Variants in TBC1D5 observed in about 807,000 individuals in gnomAD.
TBC1D5 encodes the protein TBC1 domain family, member 5.
In TBC1D5, 75 loss-of-function variants were observed where a neutral mutation model predicts 100.3. The observed-to-expected ratio is 0.75, with a 90% CI of 0.62 to 0.91. The LOEUF is 0.91. TBC1D5 is among the 40% of genes least tolerant of loss of function. TBC1D5 has a pLI of 0.00. For missense variants in TBC1D5, 910 were observed against 942.4 expected (o/e 0.97, Z 0.45); for synonymous variants, 323 against 325.6 (o/e 0.99, Z 0.09).
intron 21 of TBC1D5, 82 bp from the exon 23 acceptor site, chr3:17,161,338 A>T: frequency 1.4e-6 from 2 of 1,470,938 alleles, no homozygotes; most frequent in Non-Finnish European, 1.8e-6. Context: ...GAACTGGGGG[A>T]CTCGTGGTGG....
At chr3:17,441,096 T>C (rs1401143379) in intron 3 of TBC1D5, among the ~76,000 whole-genome samples, 2 of 152,214 alleles carry the variant, frequency 1.3e-5, no homozygotes, top group Admixed American at 1.3e-4. Flanking sequence ...TCAACATTGA[T>C]GATACCATTA....
chr3:17,556,534 G>A (rs189611067), intron 2 of TBC1D5, among the ~76,000 whole-genome samples: 84 of 151,980 alleles, frequency 5.5e-4, no homozygotes, highest in African/African-American at 2.0e-3. Context: ...AGCTAATATC[G>A]GAATAATCTC....
chr3:17,250,238 C>T (rs752836112), intron 16 of TBC1D5, among the ~76,000 whole-genome samples: 2 of 152,210 alleles, frequency 1.3e-5, no homozygotes, highest in Admixed American at 6.5e-5. Context: ...TCACTTTTCT[C>T]TCTCTGCACT....
At chr3:17,284,188 G>A (rs756382562) in intron 15 of TBC1D5, among the ~76,000 whole-genome samples, 40 of 151,318 alleles carry the variant, frequency 2.6e-4, no homozygotes, top group African/African-American at 5.8e-4. Flanking sequence ...TGCAATCTTG[G>A]CTCACTGCAA....
At chr3:17,706,022 C>A (rs2153905200) in intron 1 of TBC1D5, 2 of 1,547,098 alleles carry the variant, frequency 1.3e-6, no homozygotes, top group East Asian at 4.9e-5. Context: ...GTCACCCAGC[C>A]TGGACTTACA....
At chr3:17,255,915 A>G (rs760971677) in intron 16 of TBC1D5, among the ~76,000 whole-genome samples, 5 of 152,158 alleles carry the variant, frequency 3.3e-5, no homozygotes, top group Non-Finnish European at 5.9e-5. Context: ...GTGCGCCTGT[A>G]GTCCCAGCTA....
intron 2 of TBC1D5, among the ~76,000 whole-genome samples, chr3:17,610,172 C>T (rs1365985747): frequency 6.6e-6 from 1 of 152,176 alleles, no homozygotes; most frequent in African/African-American, 2.4e-5. Context: ...CTAGTCATCT[C>T]ATCTGGCGTC....
At chr3:17,406,626 G>T in intron 4 of TBC1D5, 100 bp from the exon 5 acceptor site, 7 of 1,053,738 alleles carry the variant, frequency 6.6e-6, no homozygotes, top group Non-Finnish European at 9.6e-6. Flanking sequence ...TCTAAAAAAT[G>T]CAACTTTTAA....
intron 13 of TBC1D5, among the ~76,000 whole-genome samples, chr3:17,344,902 A>G (rs1406951687): frequency 1.3e-5 from 2 of 152,136 alleles, no homozygotes; most frequent in Non-Finnish European, 2.9e-5. Flanking sequence ...CTTACACCTT[A>G]TACAAAAATT....
chr3:17,394,248 A>C (rs968040250), intron 8 of TBC1D5, among the ~76,000 whole-genome samples: 1 of 152,150 alleles, frequency 6.6e-6, no homozygotes, highest in Non-Finnish European at 1.5e-5. Context: ...TGATTCATTT[A>C]TGTTTCTGTC....
intron 13 of TBC1D5, among the ~76,000 whole-genome samples, chr3:17,334,743 T>C (rs2087422204): frequency 6.6e-6 from 1 of 152,178 alleles, no homozygotes; most frequent in Non-Finnish European, 1.5e-5. Flanking sequence ...AATATTAAAA[T>C]ACTGGTAAGT....
In TBC1D5 at chr3:17,394,599, G is replaced by T. The variant is rs144914795; in HGVS notation, c.509+8582C>A. The stretch of plus-strand genomic sequence containing the variant: ...GGAGAATAAAAACAGACATCTTACA[G>T]ATAATTTTAAAAGAAGATAATTACA... On this transcript the variant is annotated intron_variant, in intron 8 of 21. Transcript: ENST00000253692. 1.1e-4 allele frequency among the ~76,000 whole-genome samples: 16 copies of T among 152,072 alleles called. No individual in the cohort carries two copies. The East Asian group carries it at 3.1e-3, about 29-fold the overall frequency.
intron 4 of TBC1D5, among the ~76,000 whole-genome samples, chr3:17,426,558 A>T (rs1415875857): frequency 6.6e-6 from 1 of 152,020 alleles, no homozygotes; most frequent in African/African-American, 2.4e-5. Flanking sequence ...TAACATTACA[A>T]CATTGATTTT....
chr3:17,161,832 A>C (rs1196087146), intron 21 of TBC1D5, among the ~76,000 whole-genome samples: 1 of 152,194 alleles, frequency 6.6e-6, no homozygotes, highest in Non-Finnish European at 1.5e-5. Context: ...TCTCATGTAG[A>C]TCTCATTGCT....
chr3:17,288,907 C>T (rs776829854), intron 15 of TBC1D5, among the ~76,000 whole-genome samples: 3 of 152,176 alleles, frequency 2.0e-5, no homozygotes, highest in Non-Finnish European at 2.9e-5. Flanking sequence ...GCAGCAAGGC[C>T]GAACCAGCCC....
exon 22 of TBC1D5, chr3:17,160,896 C>T: frequency 3.2e-6 from 5 of 1,542,810 alleles, no homozygotes; most frequent in Non-Finnish European, 4.4e-6. Context: ...ACTGGATGAG[C>T]CTCAGTCTGG....
intron 18 of TBC1D5, among the ~76,000 whole-genome samples, chr3:17,192,793 A>C (rs962371522): frequency 3.9e-5 from 6 of 152,270 alleles, no homozygotes; most frequent in South Asian, 2.1e-4. Context: ...AAGTAGCAGA[A>C]ATCCCACTGG....
At chr3:17,194,408 T>C (rs991696984) in intron 18 of TBC1D5, among the ~76,000 whole-genome samples, 4 of 152,236 alleles carry the variant, frequency 2.6e-5, no homozygotes, top group African/African-American at 9.6e-5. Context: ...GTTAGTTTTG[T>C]ACTGAGTAGC....
chr3:17,606,085 T>A (rs1289062690), intron 2 of TBC1D5, among the ~76,000 whole-genome samples: 1 of 152,130 alleles, frequency 6.6e-6, no homozygotes, highest in Non-Finnish European at 1.5e-5. Flanking sequence ...CCCCTTCTCC[T>A]GATAAAGTCA....
Sources: allele counts gnomAD v4.1 joint callset (sites outside exome capture counted in the v4.1 genomes callset), GRCh38; gene constraint gnomAD v4.1.1; transcripts MANE v1.5; gene names NCBI Gene and HGNC (gene_info 2026-07-23, HGNC 2026-07-21).